KDM5A: variants seen among roughly 807,000 people sequenced by gnomAD.
The protein encoded by KDM5A is lysine-specific demethylase 5A.
Under a neutral mutation model 193.5 loss-of-function variants are expected in KDM5A, and 42 were observed. The ratio of observed to expected loss-of-function variants is 0.22; its 90% CI spans 0.17 to 0.28. KDM5A has a LOEUF of 0.28. Ranked by LOEUF, KDM5A falls within the 10% of genes least tolerant of loss-of-function variation. The probability of loss-of-function intolerance (pLI) is 1.00; values close to 1 mark genes in which losing one functional copy is unlikely to be tolerated. For synonymous variants in KDM5A, 796 were observed against 718.1 expected (o/e 1.11, Z -1.73); for missense variants, 1,692 against 2,055.1 (o/e 0.82, Z 3.42).
intron 10 of KDM5A, among the ~76,000 whole-genome samples, chr12:340,917 G>A (rs1266204889): frequency 1.3e-5 from 2 of 152,114 alleles, no homozygotes; most frequent in Non-Finnish European, 2.9e-5. Context: ...ACGGTTATAA[G>A]CCTGCATGTC....
chr12:369,185 A>C (rs980494080), intron 3 of KDM5A, among the ~76,000 whole-genome samples: 1 of 151,980 alleles, frequency 6.6e-6, no homozygotes, highest in Non-Finnish European at 1.5e-5. Flanking sequence ...ACAATCAATC[A>C]GGGGAAAATC....
At chr12:387,733 G>A (rs1487131610) in intron 1 of KDM5A, among the ~76,000 whole-genome samples, 1 of 152,054 alleles carries the variant, frequency 6.6e-6, no homozygotes, top group Non-Finnish European at 1.5e-5. Flanking sequence ...TGTAAAAGGC[G>A]GACTTTATTT....
chr12:383,933 C>T (rs1293856475), intron 3 of KDM5A, 98 bp downstream of exon 3: 1 of 1,316,772 alleles, frequency 7.6e-7, no homozygotes, highest in African/African-American at 1.4e-5. Flanking sequence ...CATTGTCAAA[C>T]AAATCCTCTA....
chr12:312,812 T>C (rs955981263), intron 20 of KDM5A, among the ~76,000 whole-genome samples: 5 of 152,206 alleles, frequency 3.3e-5, no homozygotes, highest in African/African-American at 4.8e-5. Flanking sequence ...TGCCCGGCAT[T>C]GTGAGAGAAT....
At chr12:321,801 C>T (rs953870816) in intron 17 of KDM5A, among the ~76,000 whole-genome samples, 1 of 152,080 alleles carries the variant, frequency 6.6e-6, no homozygotes, top group African/African-American at 2.4e-5. Flanking sequence ...CTGCCTTCAG[C>T]CTAGAGTTTC....
chr12:347,240 C>A (rs975072264), intron 10 of KDM5A, among the ~76,000 whole-genome samples: 1 of 152,170 alleles, frequency 6.6e-6, no homozygotes, highest in African/African-American at 2.4e-5. Context: ...GAACTACAAA[C>A]CACTGCTCAA....
chr12:382,494 G>C (rs1158054208), intron 3 of KDM5A, among the ~76,000 whole-genome samples: 1 of 150,628 alleles, frequency 6.6e-6, no homozygotes, highest in Admixed American at 6.6e-5. Context: ...TCTTCTAAAA[G>C]TAACTGCAAT....
At chr12:320,177 G>C (rs1184257352) in intron 18 of KDM5A, among the ~76,000 whole-genome samples, 6 of 152,148 alleles carry the variant, frequency 3.9e-5, no homozygotes, top group Non-Finnish European at 7.4e-5. Context: ...ACTGACCATA[G>C]ATTCTACAAG....
intron 3 of KDM5A, among the ~76,000 whole-genome samples, chr12:377,224 A>C (rs564790496): frequency 6.6e-6 from 1 of 152,314 alleles, no homozygotes; most frequent in East Asian, 1.9e-4. Context: ...ATGTTGAACT[A>C]AAAAAGCTAT....
rs1218086912 is a variant in KDM5A, at chr12:293,737, C to T, written c.4456-568G>A. ...GAGGTTGCAGTGAGCCGCAATCAATCCACTGCACTCCAGCCTGAGCAACAG... is the reference window on the plus strand; with the variant it reads ...GAGGTTGCAGTGAGCCGCAATCAATTCACTGCACTCCAGCCTGAGCAACAG... On this transcript the variant is annotated intron_variant, in intron 26 of 27. Transcript: ENST00000399788. Among the ~76,000 whole-genome samples the T allele has an allele frequency of 1.1e-4, 15 of 142,152 alleles. No homozygotes were observed. The Admixed American group carries it at 1.1e-3, about 10-fold the overall frequency. 93.3% of individuals were successfully genotyped at this position (142,152 alleles called of 152,430 possible).
At chr12:300,962 C>T (rs1943434129) in intron 24 of KDM5A, among the ~76,000 whole-genome samples, 1 of 152,156 alleles carries the variant, frequency 6.6e-6, no homozygotes, top group Admixed American at 6.5e-5. Flanking sequence ...CACATACAGC[C>T]TCCCACGACT....
chr12:294,994 C>A (rs748983704), intron 26 of KDM5A, among the ~76,000 whole-genome samples: 2 of 152,156 alleles, frequency 1.3e-5, no homozygotes, highest in African/African-American at 2.4e-5. Context: ...TCTCTCCCCC[C>A]CAGGCTTCTA....
chr12:288,608 G>A (rs1943250958), intron 27 of KDM5A, among the ~76,000 whole-genome samples: 1 of 152,114 alleles, frequency 6.6e-6, no homozygotes, highest in African/African-American at 2.4e-5. Flanking sequence ...AGAAAATCTG[G>A]TAATTTAGTG....
chr12:331,847 TC>T lies in KDM5A; in HGVS notation c.1744del (p.Glu582LysfsTer3). ...GTCAGCAGTACAGAAGTTCACAGCT[TC>T]AGCAAAGTTGTAGCCCTGGTTAAAT... is the stretch of plus-strand genomic sequence containing the variant. ...SGFNQGYNFA[E>X]AVNFCTADWL... On this transcript the variant is annotated frameshift_variant, in exon 13 of 28. Transcript: ENST00000399788. LOFTEE classifies it high-confidence loss of function. 6.2e-7 allele frequency: 1 copy of T among 1,614,052 alleles called. No individual in the cohort carries two copies. Among genetic ancestry groups the T allele is most frequent in the Non-Finnish European group, 8.5e-7 (1 of 1,179,954 alleles).
intron 25 of KDM5A, 78 bp from the exon 26 acceptor site, chr12:295,871 A>G: frequency 8.0e-7 from 1 of 1,245,920 alleles, no homozygotes; most frequent in East Asian, 2.4e-5. Context: ...GCAAATATTG[A>G]GACTAGCCCC....
intron 19 of KDM5A, among the ~76,000 whole-genome samples, chr12:317,721 C>T (rs1184763765): frequency 6.6e-6 from 1 of 152,230 alleles, no homozygotes; most frequent in Admixed American, 6.5e-5. Flanking sequence ...TCTCTAGCAA[C>T]GCTACCCCAT....
intron 3 of KDM5A, among the ~76,000 whole-genome samples, chr12:374,666 C>T (rs919206377): frequency 3.9e-5 from 6 of 152,170 alleles, no homozygotes; most frequent in Admixed American, 2.0e-4. Context: ...TTCTTCCTGG[C>T]ATCGATGGTC....
At chr12:320,442 G>A (rs1391385395) in intron 18 of KDM5A, among the ~76,000 whole-genome samples, 1 of 152,108 alleles carries the variant, frequency 6.6e-6, no homozygotes, top group Non-Finnish European at 1.5e-5. Context: ...GTTGCAGTAA[G>A]CCGAGATCTC....
rs1363686337 is a variant in KDM5A at position 367,270 on chromosome 12, GC to G, written c.367-1167del. On this transcript the variant is annotated intron_variant, in intron 3 of 27. Coordinates refer to ENST00000399788, the MANE Select transcript of KDM5A (RefSeq NM_001042603.3). ...CTTACTACATAAAAAAAAAGTTAAA[GC>G]CAGGCATAGTGGCTCACATCTGTAA... Among the ~76,000 whole-genome samples, 3 of 152,256 alleles carry G rather than the reference GC, an allele frequency of 2.0e-5. No homozygotes were observed. In the East Asian group the frequency reaches 5.8e-4, roughly 29 times the overall value.
Sources: allele counts gnomAD v4.1 joint callset (sites outside exome capture counted in the v4.1 genomes callset), GRCh38; gene constraint gnomAD v4.1.1; transcripts MANE v1.5; gene names NCBI Gene and HGNC (gene_info 2026-07-23, HGNC 2026-07-21).